The following SPOCK3 variants were observed in gnomAD, a reference collection of about 807,000 sequenced individuals.
The protein encoded by SPOCK3 is SPARC (osteonectin), cwcv and kazal like domains proteoglycan 3.
A neutral mutation model predicts 56.6 loss-of-function variants in SPOCK3; 30 were observed. That is an observed-to-expected ratio of 0.53 (90% CI 0.40 to 0.72). The LOEUF (loss-of-function observed/expected upper bound fraction) is 0.72. Ranked by LOEUF, SPOCK3 falls within the 30% of genes least tolerant of loss-of-function variation. The pLI is 0.00. For synonymous variants in SPOCK3, 196 were observed against 183.3 expected (o/e 1.07, Z -0.56); for missense variants, 527 against 530.0 (o/e 0.99, Z 0.06).
intron 7 of SPOCK3, among the ~76,000 whole-genome samples, chr4:166,771,929 C>T (rs1255178971): frequency 1.3e-5 from 2 of 151,988 alleles, no homozygotes; most frequent in Non-Finnish European, 2.9e-5. Context: ...TTATATTTCA[C>T]CTAATTATAG....
intron 4 of SPOCK3, among the ~76,000 whole-genome samples, chr4:166,953,025 C>T (rs1452304949): frequency 6.6e-6 from 1 of 151,690 alleles, no homozygotes; most frequent in African/African-American, 2.4e-5. Flanking sequence ...TAGGCATGGG[C>T]AAGGACTTCA....
intron 6 of SPOCK3, among the ~76,000 whole-genome samples, chr4:166,815,744 CA>C (rs1470402052): frequency 6.6e-6 from 1 of 152,006 alleles, no homozygotes; most frequent in African/African-American, 2.4e-5. Flanking sequence ...CACTGCACTC[CA>C]ACCTCGGCTA....
intron 6 of SPOCK3, among the ~76,000 whole-genome samples, chr4:166,842,277 C>T (rs1747509597): frequency 6.6e-6 from 1 of 152,216 alleles, no homozygotes; most frequent in Admixed American, 6.5e-5. Context: ...GCTTTTATTC[C>T]TTATCTGGCC....
At chr4:167,094,445 G>A (rs1383400321) in intron 2 of SPOCK3, among the ~76,000 whole-genome samples, 6 of 151,848 alleles carry the variant, frequency 4.0e-5, no homozygotes, top group Admixed American at 3.9e-4. Flanking sequence ...TTTATTCTGG[G>A]TATACAAGCT....
chr4:166,942,184 G>A (rs1288810601), intron 4 of SPOCK3, among the ~76,000 whole-genome samples: 1 of 151,788 alleles, frequency 6.6e-6, no homozygotes, highest in Non-Finnish European at 1.5e-5. Context: ...TAGGTCACTC[G>A]GTGTTTCCAT....
At chr4:167,097,013 C>T (rs1190475011) in intron 2 of SPOCK3, among the ~76,000 whole-genome samples, 1 of 151,664 alleles carries the variant, frequency 6.6e-6, no homozygotes, top group Non-Finnish European at 1.5e-5. Context: ...GTAATGCCCC[C>T]CTCTATCCCT....
chr4:167,027,533 G>A (rs1388770836), intron 3 of SPOCK3, among the ~76,000 whole-genome samples: 1 of 151,862 alleles, frequency 6.6e-6, no homozygotes, highest in Admixed American at 6.6e-5. Context: ...AAACATAGGG[G>A]TGGGGAAATC....
chr4:167,011,093 G>A (rs1186990540), intron 3 of SPOCK3: 17 of 249,730 alleles, frequency 6.8e-5, no homozygotes, highest in Non-Finnish European at 1.2e-4. Context: ...CACAATTGGT[G>A]AAACAGAAAA....
chr4:166,893,798 T>C (rs566610675), intron 5 of SPOCK3, among the ~76,000 whole-genome samples: 3 of 152,308 alleles, frequency 2.0e-5, no homozygotes, highest in South Asian at 2.1e-4. Flanking sequence ...TAATGTATTA[T>C]ATTTTTAATG....
intron 3 of SPOCK3, among the ~76,000 whole-genome samples, chr4:167,050,063 T>C (rs145807500): frequency 6.6e-6 from 1 of 152,308 alleles, no homozygotes; most frequent in African/African-American, 2.4e-5. Context: ...ATACTTGACA[T>C]ATAGGGAGTG....
intron 2 of SPOCK3, among the ~76,000 whole-genome samples, chr4:167,114,883 T>A (rs1580340973): frequency 6.6e-6 from 1 of 151,434 alleles, no homozygotes. Context: ...CCAGCATTCA[T>A]GGAAAGTTAA....
intron 7 of SPOCK3, among the ~76,000 whole-genome samples, chr4:166,762,328 G>T (rs1471847764): frequency 6.6e-6 from 1 of 152,080 alleles, no homozygotes; most frequent in Admixed American, 6.6e-5. Flanking sequence ...ACCAGAAGTT[G>T]CCAAATGCCC....
chr4:166,887,752 A>G (rs1734349843), intron 6 of SPOCK3, among the ~76,000 whole-genome samples: 1 of 151,446 alleles, frequency 6.6e-6, no homozygotes, highest in African/African-American at 2.4e-5. Context: ...GGCAACATAT[A>G]TGTTGCAGTT....
intron 4 of SPOCK3, among the ~76,000 whole-genome samples, chr4:166,997,924 G>T (rs951926346): frequency 1.3e-5 from 2 of 152,010 alleles, no homozygotes; most frequent in African/African-American, 4.8e-5. Flanking sequence ...TATGCAAATG[G>T]ACAAAAATTG....
chr4:166,838,194 A>C (rs1579373431), intron 6 of SPOCK3, among the ~76,000 whole-genome samples: 1 of 151,916 alleles, frequency 6.6e-6, no homozygotes, highest in East Asian at 1.9e-4. Context: ...CAGCTTCTTG[A>C]ATTAGTTTAT....
intron 3 of SPOCK3, among the ~76,000 whole-genome samples, chr4:167,009,828 TTCATG>T (rs1454838830): frequency 6.6e-6 from 1 of 151,940 alleles, no homozygotes; most frequent in Admixed American, 6.6e-5. Flanking sequence ...TTTATATTAA[TTCATG>T]TCATAAGAGA....
chr4:167,213,370 TCTG>T (rs1425123628), intron 2 of SPOCK3, among the ~76,000 whole-genome samples: 2 of 152,232 alleles, frequency 1.3e-5, no homozygotes, highest in Non-Finnish European at 2.9e-5. Flanking sequence ...TTAAATCTTT[TCTG>T]CTATTTGATG....
chr4:166,944,199 C>A (rs11725742), intron 4 of SPOCK3, among the ~76,000 whole-genome samples: 87,381 of 151,960 alleles, frequency 0.58, 26,892 homozygotes, highest in East Asian at 0.83. Context: ...AAAAAACATT[C>A]TTCAAAACAG....
chr4:166,948,830 C>A (rs947533602), intron 4 of SPOCK3, among the ~76,000 whole-genome samples: 5 of 151,924 alleles, frequency 3.3e-5, no homozygotes, highest in African/African-American at 1.2e-4. Flanking sequence ...CTTGGAGTTG[C>A]TCTTCTCGAG....
Sources: gnomAD v4.1 joint callset for allele counts (sites outside exome capture counted in the v4.1 genomes callset) on GRCh38, gnomAD v4.1.1 for gene constraint, MANE v1.5 for transcripts, NCBI Gene and HGNC (gene_info 2026-07-23, HGNC 2026-07-21) for gene names.